The following ZMYM2 variants were observed in gnomAD, a reference collection of about 807,000 sequenced individuals.
The protein encoded by ZMYM2 is zinc finger MYM-type protein 2.
Under a neutral mutation model 162.8 loss-of-function variants are expected in ZMYM2, and 56 were observed. That is an observed-to-expected ratio of 0.34 (90% CI 0.28 to 0.43). The LOEUF (loss-of-function observed/expected upper bound fraction) is 0.43, where lower values mean the gene tolerates loss of function less well. ZMYM2 is among the 20% of genes least tolerant of loss of function. The pLI is 1.00. For synonymous variants in ZMYM2, 510 were observed against 541.6 expected, an observed-to-expected ratio of 0.94 and a Z score of 0.81; for missense variants, 1,275 against 1,621.8, an observed-to-expected ratio of 0.79 and a Z score of 3.67.
the ZMYM2 span, among the ~76,000 whole-genome samples, chr13:19,932,604 G>A: frequency 1.3e-5 from 2 of 151,706 alleles, no homozygotes; most frequent in Admixed American, 1.3e-4. Flanking sequence ...CAAGATCATA[G>A]CATTGCACTC....
At chr13:19,902,334 A>G in the ZMYM2 span, among the ~76,000 whole-genome samples, 37 of 152,214 alleles carry the variant, frequency 2.4e-4, no homozygotes, top group Non-Finnish European at 4.4e-4. Context: ...CAATGTGAAT[A>G]TGCTGGGCGC....
intron 15 of ZMYM2, 110 bp downstream of exon 15, chr13:20,058,814 G>A (rs1349818261): frequency 7.0e-7 from 1 of 1,422,894 alleles, no homozygotes. Context: ...TGGTCAATTT[G>A]TCATTTTCTG....
upstream of ZMYM2, among the ~76,000 whole-genome samples, chr13:19,957,523 C>T (rs1459946600): frequency 6.6e-6 from 1 of 150,762 alleles, no homozygotes; most frequent in South Asian, 2.1e-4. Context: ...AAAGAGAAGA[C>T]CCCTCGTGGA....
chr13:20,057,120 T>TG (rs369038314), intron 14 of ZMYM2, among the ~76,000 whole-genome samples: 3 of 152,266 alleles, frequency 2.0e-5, no homozygotes, highest in African/African-American at 7.2e-5. Context: ...GCTTTGTTCT[T>TG]GAGACAAAGT....
chr13:19,887,249 C>T, the ZMYM2 span, among the ~76,000 whole-genome samples: 1 of 151,744 alleles, frequency 6.6e-6, no homozygotes, highest in Non-Finnish European at 1.5e-5. Context: ...TATATCATAG[C>T]TGGGAGTGGT....
the ZMYM2 span, among the ~76,000 whole-genome samples, chr13:19,920,904 A>G: frequency 6.6e-6 from 1 of 151,286 alleles, no homozygotes; most frequent in Non-Finnish European, 1.5e-5. Flanking sequence ...CTGGGATTAC[A>G]GGTGCATGCC....
chr13:20,053,947 CTA>C (rs1288086756), intron 14 of ZMYM2, among the ~76,000 whole-genome samples: 4 of 152,140 alleles, frequency 2.6e-5, no homozygotes, highest in African/African-American at 9.7e-5. Flanking sequence ...TGACTACTCC[CTA>C]TTTTATATTT....
At chr13:20,057,364 C>T (rs1297220965) in intron 14 of ZMYM2, among the ~76,000 whole-genome samples, 1 of 152,116 alleles carries the variant, frequency 6.6e-6, no homozygotes, top group Non-Finnish European at 1.5e-5. Context: ...TTTCGAACTC[C>T]TGACCTTAGG....
the ZMYM2 span, among the ~76,000 whole-genome samples, chr13:19,948,843 T>A: frequency 2.6e-5 from 4 of 152,204 alleles, no homozygotes; most frequent in African/African-American, 7.2e-5. Flanking sequence ...TAAAACTGTT[T>A]TAAAAAATGA....
At chr13:19,917,597 A>T in the ZMYM2 span, among the ~76,000 whole-genome samples, 272 of 16,922 alleles carry the variant, frequency 0.016, 2 homozygotes, top group African/African-American at 0.019. Flanking sequence ...TCTCAAATTT[A>T]AAAAAAAAAA....
the ZMYM2 span, among the ~76,000 whole-genome samples, chr13:19,867,864 G>A: frequency 6.6e-6 from 1 of 152,216 alleles, no homozygotes; most frequent in East Asian, 1.9e-4. Context: ...GACCTCAAGT[G>A]ATCTGCCCAC....
chr13:19,880,490 G>A, the ZMYM2 span, among the ~76,000 whole-genome samples: 27 of 151,908 alleles, frequency 1.8e-4, no homozygotes, highest in African/African-American at 6.5e-4. Context: ...GTGCAGTGCC[G>A]CGATCTCGGC....
chr13:19,885,716 C>G, the ZMYM2 span, among the ~76,000 whole-genome samples: 2 of 151,028 alleles, frequency 1.3e-5, no homozygotes, highest in South Asian at 2.1e-4. Context: ...GACATGTTTT[C>G]GCTTGCTTTA....
At chr13:19,954,367 C>T (rs146828697), upstream of ZMYM2, among the ~76,000 whole-genome samples, 408 of 151,878 alleles carry the variant, frequency 2.7e-3, 1 homozygote, top group African/African-American at 9.4e-3. Flanking sequence ...CCGCCCGCCT[C>T]GGCCTCCCAA....
chr13:20,014,892 G>T (rs967498244), intron 6 of ZMYM2, among the ~76,000 whole-genome samples: 2 of 150,670 alleles, frequency 1.3e-5, no homozygotes, highest in African/African-American at 4.9e-5. Flanking sequence ...CGCCTCCTGA[G>T]TAGCCGGGAT....
the ZMYM2 span, among the ~76,000 whole-genome samples, chr13:19,883,459 A>C: frequency 1.3e-5 from 2 of 152,188 alleles, no homozygotes; most frequent in Admixed American, 1.3e-4. Context: ...AAACTTCGGG[A>C]TATCTGACAG....
chr13:19,987,947 C>T (rs894828672), intron 2 of ZMYM2, among the ~76,000 whole-genome samples: 5 of 152,150 alleles, frequency 3.3e-5, no homozygotes, highest in Admixed American at 6.6e-5. Flanking sequence ...GTATCTTTTG[C>T]GATTTTCCAG....
chr13:20,060,249 A>G (rs957908826), intron 16 of ZMYM2, among the ~76,000 whole-genome samples: 2 of 152,134 alleles, frequency 1.3e-5, no homozygotes, highest in Admixed American at 6.5e-5. Flanking sequence ...GTTAACTTAG[A>G]TTTGGTTGAA....
At chr13:19,979,562 T>A (rs1463859346) in intron 2 of ZMYM2, among the ~76,000 whole-genome samples, 2 of 151,774 alleles carry the variant, frequency 1.3e-5, no homozygotes, top group African/African-American at 4.8e-5. Context: ...GAGAAAATGG[T>A]CATGTCTCAG....
Sources: gnomAD v4.1 joint callset for allele counts (sites outside exome capture counted in the v4.1 genomes callset) on GRCh38, gnomAD v4.1.1 for gene constraint, MANE v1.5 for transcripts, NCBI Gene and HGNC (gene_info 2026-07-23, HGNC 2026-07-21) for gene names.